Variants in KCND3 observed in about 807,000 individuals in gnomAD.
KCND3 encodes potassium voltage-gated channel subfamily D member 3, also known as A-type voltage-gated potassium channel KCND3.
A neutral mutation model predicts 51.1 loss-of-function variants in KCND3; 9 were observed. The observed-to-expected ratio is 0.18, with a 90% confidence interval of 0.11 to 0.31. The LOEUF (loss-of-function observed/expected upper bound fraction) is 0.31. KCND3 is among the 10% of genes least tolerant of loss of function. The pLI is 1.00. For synonymous variants in KCND3, 349 were observed against 368.0 expected, an observed-to-expected ratio of 0.95 and a Z score of 0.59; for missense variants, 526 against 903.8, an observed-to-expected ratio of 0.58 and a Z score of 5.36.
chr1:111,824,547 T>C (rs575483484), intron 2 of KCND3, among the ~76,000 whole-genome samples: 7 of 152,354 alleles, frequency 4.6e-5, no homozygotes, highest in South Asian at 2.1e-4. Flanking sequence ...TAAAGAGGTG[T>C]TGAAACCGGC....
At chr1:111,796,296 T>G (rs1294908150) in intron 2 of KCND3, among the ~76,000 whole-genome samples, 1 of 152,180 alleles carries the variant, frequency 6.6e-6, no homozygotes, top group Non-Finnish European at 1.5e-5. Context: ...GCCTAGGTTG[T>G]CTTCCATATC....
In KCND3 at chr1:111,810,568, T is replaced by A. The variant is rs75780319; in HGVS notation, c.1107-23462A>T. ...CTATTCCTTCTCTTCTCAGTGAGAATCTATAGCCAATTAGCTGAGCCCAGG... is the reference window on the plus strand; with the variant it reads ...CTATTCCTTCTCTTCTCAGTGAGAAACTATAGCCAATTAGCTGAGCCCAGG... On this transcript the variant is annotated intron_variant, in intron 2 of 7. Coordinates refer to ENST00000302127, the MANE Select transcript of KCND3 (RefSeq NM_001378969.1). Among the ~76,000 whole-genome samples, 1,435 of 152,286 alleles carry A rather than the reference T, an allele frequency of 9.4e-3. 19 individuals are homozygous for A. The highest frequency in any genetic ancestry group is 0.031 in the African/African-American group (1,290 of 41,550).
At chr1:111,779,756 T>C (rs1312751935) in intron 5 of KCND3, among the ~76,000 whole-genome samples, 2 of 152,166 alleles carry the variant, frequency 1.3e-5, no homozygotes, top group African/African-American at 2.4e-5. Context: ...ATACATGCAC[T>C]ACCTCCTTCA....
At chr1:111,906,286 A>G (rs192758401) in intron 2 of KCND3, among the ~76,000 whole-genome samples, 59 of 152,302 alleles carry the variant, frequency 3.9e-4, no homozygotes, top group Non-Finnish European at 6.6e-4. Context: ...ATTTGTGACT[A>G]TGAACACGCC....
intron 2 of KCND3, among the ~76,000 whole-genome samples, chr1:111,795,311 T>C (rs2101527588): frequency 6.6e-6 from 1 of 152,318 alleles, no homozygotes; most frequent in East Asian, 1.9e-4. Context: ...TTTAGGAATC[T>C]TGAAGTTCCT....
rs1375300545 is a variant in KCND3, at chr1:111,786,980, G to C, written c.1233C>G (p.His411Gln). The C allele has an allele frequency of 6.2e-7, 1 of 1,614,056 alleles. No individual in the cohort carries two copies. The highest frequency in any genetic ancestry group is 2.2e-5 in the East Asian group (1 of 44,900). ...VIVSNFSRIY[H>Q]QNQRADKRRA... ...TGCGTTTATCAGCTCTCTGATTCTG[G>C]TGGTAAATCCGGCTAAAGTTGGAAA... The change falls in exon 3 of 8, where the codon CAC becomes CAG. Residue 411 changes from histidine (H) to glutamine (Q), a missense_variant. Physicochemically the swap from His to Gln is conservative, Grantham distance 24. This residue lies in a region of KCND3 where 48 missense variants were observed against 228.5 expected (regional missense o/e 0.21). Coordinates refer to ENST00000302127, the MANE Select transcript of KCND3 (RefSeq NM_001378969.1).
intron 2 of KCND3, among the ~76,000 whole-genome samples, chr1:111,865,034 C>A (rs761575146): frequency 6.6e-6 from 1 of 152,204 alleles, no homozygotes; most frequent in Admixed American, 6.5e-5. Context: ...GCCAGACATT[C>A]GGCAACCCAA....
chr1:111,897,141 C>T (rs1008540140), intron 2 of KCND3, among the ~76,000 whole-genome samples: 15 of 152,230 alleles, frequency 9.9e-5, no homozygotes, highest in Non-Finnish European at 1.8e-4. Context: ...CGCCTTCCTA[C>T]AGCGCTGGCC....
intron 2 of KCND3, among the ~76,000 whole-genome samples, chr1:111,912,266 G>C (rs1479553045): frequency 2.0e-5 from 3 of 152,190 alleles, no homozygotes; most frequent in Non-Finnish European, 4.4e-5. Context: ...GATTATAAAA[G>C]AGATGAAAAA....
chr1:111,846,646 T>A (rs1177348129), intron 2 of KCND3, among the ~76,000 whole-genome samples: 4 of 152,180 alleles, frequency 2.6e-5, no homozygotes, highest in Non-Finnish European at 4.4e-5. Context: ...TACGGGACAG[T>A]CTACAGGACA....
At chr1:111,839,469 T>C (rs1024189400) in intron 2 of KCND3, among the ~76,000 whole-genome samples, 2 of 152,254 alleles carry the variant, frequency 1.3e-5, no homozygotes, top group African/African-American at 2.4e-5. Flanking sequence ...GCTAACATTA[T>C]GTCATTTCCC....
chr1:111,806,691 G>A (rs1276242790), intron 2 of KCND3, among the ~76,000 whole-genome samples: 1 of 152,116 alleles, frequency 6.6e-6, no homozygotes, highest in Non-Finnish European at 1.5e-5. Flanking sequence ...AAGACATAAC[G>A]AAGTAATAAG....
At chr1:111,856,424 G>A (rs1470093447) in intron 2 of KCND3, among the ~76,000 whole-genome samples, 1 of 152,186 alleles carries the variant, frequency 6.6e-6, no homozygotes, top group African/African-American at 2.4e-5. Context: ...AGCTCTCTGC[G>A]TGCTGTGCAC....
At chr1:111,889,420 C>T (rs747692950) in intron 2 of KCND3, among the ~76,000 whole-genome samples, 1 of 152,232 alleles carries the variant, frequency 6.6e-6, no homozygotes, top group Non-Finnish European at 1.5e-5. Context: ...CTTAGAATAT[C>T]ACTGCACAAA....
chr1:111,971,983 T>TCC (rs1338713803), intron 2 of KCND3, among the ~76,000 whole-genome samples: 1 of 152,160 alleles, frequency 6.6e-6, no homozygotes, highest in Non-Finnish European at 1.5e-5. Flanking sequence ...GTCCAAGGGT[T>TCC]CCCTTCCACA....
intron 3 of KCND3, among the ~76,000 whole-genome samples, chr1:111,783,111 G>T (rs1177566391): frequency 6.7e-6 from 1 of 149,228 alleles, no homozygotes; most frequent in Non-Finnish European, 1.5e-5. Context: ...TCCTTGAGTG[G>T]ATTGGTCAAC....
At chr1:111,857,671 T>C (rs1323849996) in intron 2 of KCND3, among the ~76,000 whole-genome samples, 1 of 151,298 alleles carries the variant, frequency 6.6e-6, no homozygotes, top group Non-Finnish European at 1.5e-5. Context: ...ACTCCTAGGC[T>C]TGCCCCCTTT....
rs1671097216 is a variant in KCND3 at position 111,914,342 on chromosome 1, T to C, written c.1106+67279A>G. Among the ~76,000 whole-genome samples the C allele has an allele frequency of 2.7e-5, 4 of 149,954 alleles. No homozygotes were observed. The South Asian group carries it at 8.4e-4, about 32-fold the overall frequency. ...ACAAGTCATCTAACATATATGTAAC[T>C]GGGGTCCCCAAAAAGAAGAGAAACA... On this transcript the variant is annotated intron_variant, in intron 2 of 7. Transcript: ENST00000302127.
chr1:111,821,337 C>G (rs533888839), intron 2 of KCND3, among the ~76,000 whole-genome samples: 1 of 152,284 alleles, frequency 6.6e-6, no homozygotes, highest in African/African-American at 2.4e-5. Flanking sequence ...AGTCCTGGGT[C>G]TCAACAGCTA....
Sources: gnomAD v4.1 joint callset for allele counts (sites outside exome capture counted in the v4.1 genomes callset) on GRCh38, gnomAD v4.1.1 for gene constraint, gnomAD v4.1.1 regional missense constraint, MANE v1.5 for transcripts, NCBI Gene and HGNC (gene_info 2026-07-23, HGNC 2026-07-21) for gene names.